The following SEMA5A variants were observed in gnomAD, a reference collection of about 807,000 sequenced individuals.
SEMA5A encodes the protein semaphorin 5A, also known as semaphorin-5A.
In SEMA5A, 55 loss-of-function variants were observed where a neutral mutation model predicts 135.5. The ratio of observed to expected loss-of-function variants is 0.41; its 90% CI spans 0.33 to 0.51. SEMA5A has a LOEUF of 0.51. Ranked by LOEUF, SEMA5A falls within the 20% of genes least tolerant of loss-of-function variation. SEMA5A has a pLI of 0.37. For synonymous variants in SEMA5A, 580 were observed against 546.5 expected (o/e 1.06, Z -0.85); for missense variants, 1,290 against 1,419.9 (o/e 0.91, Z 1.47).
Position 9,480,603 on chromosome 5 carries a change from C to T in SEMA5A, c.-174-42751G>A, listed in dbSNP as rs111908639. Among the ~76,000 whole-genome samples the T allele has an allele frequency of 5.2e-3, 790 of 152,244 alleles. 9 individuals are homozygous for T. Among genetic ancestry groups the T allele is most frequent in the African/African-American group, 0.018 (763 of 41,520 alleles). On this transcript the variant is annotated intron_variant, in intron 1 of 22. Coordinates refer to ENST00000382496, the MANE Select transcript of SEMA5A (RefSeq NM_003966.3). Reference sequence around the variant, plus strand: ...CTTCAATTAACCAGGAAAATTGTACCTCACAAATCTGCTCTTACTGCCTTT... The same window carrying T: ...CTTCAATTAACCAGGAAAATTGTACTTCACAAATCTGCTCTTACTGCCTTT...
At chr5:9,193,293 C>T (rs539156667) in intron 10 of SEMA5A, among the ~76,000 whole-genome samples, 16 of 152,198 alleles carry the variant, frequency 1.1e-4, no homozygotes, top group African/African-American at 3.9e-4. Flanking sequence ...CTGTGTGACT[C>T]CCTGGGTTCA....
chr5:9,398,306 C>T (rs943443597), intron 2 of SEMA5A, among the ~76,000 whole-genome samples: 18 of 152,312 alleles, frequency 1.2e-4, no homozygotes, highest in Non-Finnish European at 2.2e-4. Context: ...GCATCCATAA[C>T]TTCCTAAATG....
At chr5:9,439,104 G>A (rs887980633) in intron 1 of SEMA5A, among the ~76,000 whole-genome samples, 6 of 152,074 alleles carry the variant, frequency 3.9e-5, no homozygotes, top group South Asian at 4.1e-4. Context: ...CCCTCATATC[G>A]TGCAGCACGG....
At chr5:9,403,624 C>T (rs1579484756) in intron 2 of SEMA5A, among the ~76,000 whole-genome samples, 2 of 152,258 alleles carry the variant, frequency 1.3e-5, no homozygotes, top group South Asian at 4.2e-4. Context: ...TAACACATAC[C>T]TGCTGCCACA....
chr5:9,168,058 C>A (rs1246844740), intron 11 of SEMA5A, among the ~76,000 whole-genome samples: 1 of 152,162 alleles, frequency 6.6e-6, no homozygotes, highest in Non-Finnish European at 1.5e-5. Context: ...TTCCTATGCA[C>A]CCCTCTCACT....
intron 4 of SEMA5A, among the ~76,000 whole-genome samples, chr5:9,319,951 C>A (rs898798370): frequency 2.0e-5 from 3 of 152,052 alleles, no homozygotes; most frequent in Non-Finnish European, 4.4e-5. Flanking sequence ...GAGTTATGGA[C>A]AGAGTTAGGG....
chr5:9,082,388 A>T (rs1475244437), intron 16 of SEMA5A, among the ~76,000 whole-genome samples: 1 of 152,162 alleles, frequency 6.6e-6, no homozygotes, highest in Non-Finnish European at 1.5e-5. Flanking sequence ...TCCAGTGACT[A>T]CCTAAGACAG....
intron 6 of SEMA5A, among the ~76,000 whole-genome samples, chr5:9,232,320 T>C (rs1214628604): frequency 6.6e-6 from 1 of 152,180 alleles, no homozygotes; most frequent in Non-Finnish European, 1.5e-5. Context: ...TTAATCATAG[T>C]GCTCCCAGTG....
At chr5:9,242,194 A>G (rs998118777) in intron 5 of SEMA5A, among the ~76,000 whole-genome samples, 5 of 152,240 alleles carry the variant, frequency 3.3e-5, no homozygotes, top group Non-Finnish European at 7.3e-5. Context: ...AGTTGGAACT[A>G]GAAACAACTG....
intron 3 of SEMA5A, among the ~76,000 whole-genome samples, chr5:9,371,915 T>C (rs772929624): frequency 1.6e-4 from 24 of 152,260 alleles, no homozygotes; most frequent in Non-Finnish European, 7.3e-5. Flanking sequence ...TGTCTTCCTA[T>C]ATGTTAATCA....
chr5:9,202,726 A>T (rs1053997655), intron 8 of SEMA5A, among the ~76,000 whole-genome samples: 2 of 152,224 alleles, frequency 1.3e-5, no homozygotes, highest in Non-Finnish European at 2.9e-5. Flanking sequence ...GACATAATGT[A>T]TGTGCTTTTA....
intron 8 of SEMA5A, among the ~76,000 whole-genome samples, chr5:9,220,331 C>A (rs961228588): frequency 3.9e-5 from 6 of 152,066 alleles, no homozygotes; most frequent in Non-Finnish European, 8.8e-5. Flanking sequence ...CCAAAAACCA[C>A]CTGTGCCCCA....
At chr5:9,316,588 T>C (rs1032851862) in intron 5 of SEMA5A, among the ~76,000 whole-genome samples, 1 of 152,198 alleles carries the variant, frequency 6.6e-6, no homozygotes, top group Admixed American at 6.5e-5. Context: ...CTAAACGATA[T>C]ATATTTTAGA....
chr5:9,112,435 C>T (rs1439249737), intron 15 of SEMA5A, among the ~76,000 whole-genome samples: 2 of 152,220 alleles, frequency 1.3e-5, no homozygotes, highest in African/African-American at 4.8e-5. Flanking sequence ...AGGGCCTCTT[C>T]TGAACTATTT....
At chr5:9,170,271 A>G (rs1579533466) in intron 11 of SEMA5A, among the ~76,000 whole-genome samples, 1 of 152,292 alleles carries the variant, frequency 6.6e-6, no homozygotes, top group East Asian at 1.9e-4. Flanking sequence ...TGAAAAATAC[A>G]TGTGAAACTT....
intron 11 of SEMA5A, among the ~76,000 whole-genome samples, chr5:9,168,084 A>G (rs1743711079): frequency 6.6e-6 from 1 of 152,152 alleles, no homozygotes; most frequent in African/African-American, 2.4e-5. Flanking sequence ...CTCCACTGAA[A>G]GTTGCCCAAG....
At chr5:9,077,980 T>C (rs779161607) in intron 16 of SEMA5A, among the ~76,000 whole-genome samples, 3 of 152,214 alleles carry the variant, frequency 2.0e-5, no homozygotes, top group Non-Finnish European at 4.4e-5. Context: ...CTCAGGAGAA[T>C]AAGAAAATCA....
At chr5:9,379,756 T>G in intron 3 of SEMA5A, 67 bp downstream of exon 3, 1 of 1,572,220 alleles carries the variant, frequency 6.4e-7, no homozygotes, top group Non-Finnish European at 8.7e-7. Flanking sequence ...TCTATTATCT[T>G]CTATCACTAA....
intron 8 of SEMA5A, among the ~76,000 whole-genome samples, chr5:9,210,218 C>A (rs1405737235): frequency 6.6e-6 from 1 of 152,122 alleles, no homozygotes. Flanking sequence ...TAGTAAAAGA[C>A]CTTTGGCAAG....
Sources: gnomAD v4.1 joint callset for allele counts (sites outside exome capture counted in the v4.1 genomes callset) on GRCh38, gnomAD v4.1.1 for gene constraint, MANE v1.5 for transcripts, NCBI Gene and HGNC (gene_info 2026-07-23, HGNC 2026-07-21) for gene names.